The following LCORL variants were observed in gnomAD, a reference collection of about 807,000 sequenced individuals.
LCORL encodes the protein ligand-dependent nuclear receptor corepressor-like protein.
LCORL carries 41 observed loss-of-function variants against 141.8 expected under a neutral mutation model. The ratio of observed to expected loss-of-function variants is 0.29; its 90% CI spans 0.23 to 0.38. The LOEUF is 0.38. Among genes scored for constraint, LCORL ranks in the 10% least tolerant of loss-of-function variants. The pLI is 1.00. For missense variants in LCORL, 1,759 were observed against 2,035.0 expected, an observed-to-expected ratio of 0.86 and a Z score of 2.61; for synonymous variants, 618 against 694.1, an observed-to-expected ratio of 0.89 and a Z score of 1.72.
In LCORL at chr4:17,983,882, C is replaced by A. The variant is rs541532352; in HGVS notation, c.155-10997G>T. Among the ~76,000 whole-genome samples, 10 of 152,218 alleles carry A rather than the reference C, an allele frequency of 6.6e-5. No individual in the cohort carries two copies. In the South Asian group the frequency reaches 2.1e-3, roughly 32 times the overall value. Reference sequence around the variant, plus strand: ...GTAATGCTTCCAGCTTTTGCTCATTCAGTATGATGTTGGCTGTGAGTTTGT... The same window carrying A: ...GTAATGCTTCCAGCTTTTGCTCATTAAGTATGATGTTGGCTGTGAGTTTGT... On this transcript the variant is annotated intron_variant, in intron 1 of 7. Coordinates refer to ENST00000635767, the Ensembl canonical transcript of LCORL.
chr4:17,980,620 C>A (rs1014573986), intron 1 of LCORL, among the ~76,000 whole-genome samples: 3 of 152,154 alleles, frequency 2.0e-5, no homozygotes, highest in African/African-American at 7.2e-5. Flanking sequence ...TAACTCTTAG[C>A]CATTTTTAAC....
chr4:17,901,974 CT>C (rs763527541), intron 5 of LCORL, among the ~76,000 whole-genome samples: 29 of 151,826 alleles, frequency 1.9e-4, no homozygotes, highest in Admixed American at 5.9e-4. Flanking sequence ...GTGGAGGAGG[CT>C]TTCCTAAGAA....
chr4:17,876,762 T>C lies in LCORL; in HGVS notation c.2228A>G (p.Gln743Arg), dbSNP rs957056373. ...ATTTTTCCTATCATTTTGCAAAAAT[T>C]GTTTTCCATCTGCAGATTTCTCCTG... is the stretch of plus-strand genomic sequence containing the variant. Residue 743 changes from glutamine to arginine, a missense_variant, in exon 7 of 8, where the codon CAA becomes CGA. By Grantham distance (43) the Gln-to-Arg change is conservative. This residue lies in a region of LCORL where 1,311 missense variants were observed against 1,531.3 expected (regional missense o/e 0.86). Transcript: ENST00000635767. 1.1e-4 allele frequency: 132 copies of C among 1,230,790 alleles called. No homozygotes were observed. In the Admixed American group the frequency reaches 1.3e-3, roughly 12 times the overall value. 76.2% of individuals were successfully genotyped at this position (1,230,790 alleles called of 1,614,324 possible). A position where few individuals can be genotyped will look rare whatever the true frequency, so the allele number is the denominator to read the frequency against.
At chr4:17,912,102 C>T (rs1732646068) in intron 4 of LCORL, 12 of 747,722 alleles carry the variant, frequency 1.6e-5, no homozygotes, top group South Asian at 8.1e-5. Context: ...CCACCAAGGA[C>T]GTGAGGGCTC....
chr4:17,947,090 C>T (rs1309697269), intron 4 of LCORL, among the ~76,000 whole-genome samples: 3 of 151,956 alleles, frequency 2.0e-5, no homozygotes, highest in Admixed American at 6.6e-5. Context: ...TTCACAACAG[C>T]TGAATCATGG....
intron 5 of LCORL, among the ~76,000 whole-genome samples, chr4:17,899,950 T>G (rs543706149): frequency 6.6e-6 from 1 of 152,178 alleles, no homozygotes; most frequent in Non-Finnish European, 1.5e-5. Flanking sequence ...ACTATGTACA[T>G]GCAAATATTC....
At chr4:17,918,681 G>C (rs1431984395) in intron 4 of LCORL, among the ~76,000 whole-genome samples, 1 of 152,114 alleles carries the variant, frequency 6.6e-6, no homozygotes, top group East Asian at 1.9e-4. Flanking sequence ...GCAGAGGGTA[G>C]GTAAACAAGT....
Position 17,875,933 on chromosome 4 carries a change from A to G in LCORL, c.3057T>C (p.Tyr1019=), listed in dbSNP as rs115293513. 1,365 of 1,231,282 alleles carry G rather than the reference A, an allele frequency of 1.1e-3. 15 individuals are homozygous for G. The African/African-American group carries it at 0.02, about 18-fold the overall frequency. The allele number at this position is 1,231,282 out of a possible 1,614,324, so 76.3% of individuals were successfully genotyped here. A position where few individuals can be genotyped will look rare whatever the true frequency, so the allele number is the denominator to read the frequency against. ...TATCAGTATCATAATGACTGGAGTG[A>G]TAATTTTCAGAGTTCGCATTTGAGA... The change falls in exon 7 of 8, where the codon TAT becomes TAC. Residue 1019 remains tyrosine (Y), a synonymous_variant. Coordinates refer to ENST00000635767, the Ensembl canonical transcript of LCORL.
chr4:17,949,094 TAG>T (rs1263694671), intron 4 of LCORL, among the ~76,000 whole-genome samples: 1 of 152,064 alleles, frequency 6.6e-6, no homozygotes, highest in Non-Finnish European at 1.5e-5. Flanking sequence ...AGCTAGCAGG[TAG>T]AGAGTACCAT....
intron 4 of LCORL, among the ~76,000 whole-genome samples, chr4:17,913,953 T>C (rs745528328): frequency 2.0e-5 from 3 of 152,258 alleles, no homozygotes; most frequent in Non-Finnish European, 4.4e-5. Flanking sequence ...GTATTTTTTA[T>C]TTCTACCTTT....
intron 7 of LCORL, among the ~76,000 whole-genome samples, chr4:17,848,583 C>T (rs1723209361): frequency 6.6e-6 from 1 of 152,246 alleles, no homozygotes; most frequent in Non-Finnish European, 1.5e-5. Context: ...CTCAGGTCTA[C>T]AGCTCCCAGC....
At chr4:17,842,090 C>T (rs1223097138) in exon 8 of LCORL, 1 of 453,844 alleles carries the variant, frequency 2.2e-6, no homozygotes, top group Non-Finnish European at 4.0e-6. Context: ...TTCCCTTACT[C>T]ATTATTAGTG....
rs1727988314 is a variant in LCORL at position 17,884,234 on chromosome 4, A to G, written c.776+1834T>C. On this transcript the variant is annotated intron_variant, in intron 6 of 7. Transcript: ENST00000635767. The surrounding 1 kb of genome is among the most constrained non-coding windows in gnomAD (Gnocchi z 4.4). Reference sequence around the variant, plus strand: ...GGAAACTTGATACATAACATCCAACAGACCAGAACCATCAGGTTGTGATTT... The same window carrying G: ...GGAAACTTGATACATAACATCCAACGGACCAGAACCATCAGGTTGTGATTT... 2 of 1,550,632 alleles carry G rather than the reference A, an allele frequency of 1.3e-6. No individual in the cohort carries two copies. The highest frequency in any genetic ancestry group is 1.7e-6 in the Non-Finnish European group (2 of 1,146,388).
In LCORL at chr4:17,906,688, C is replaced by CTTT. The variant is rs36083281; in HGVS notation, c.682+2403_682+2405dup. Reference sequence around the variant, plus strand: ...GACTGGAAATTTACTTTTAAAATGCCTTTTTTTTTTTTTTTTTGAGACAGA... The same window carrying CTTT: ...GACTGGAAATTTACTTTTAAAATGCCTTTTTTTTTTTTTTTTTTTTGAGACAGA... On this transcript the variant is annotated intron_variant, in intron 5 of 7. Coordinates refer to ENST00000635767, the Ensembl canonical transcript of LCORL. Among the ~76,000 whole-genome samples, 939 of 134,006 alleles carry CTTT rather than the reference C, an allele frequency of 7.0e-3. 19 individuals carry two copies. Among genetic ancestry groups the CTTT allele is most frequent in the African/African-American group, 0.025 (871 of 35,540 alleles). The allele number at this position is 134,006 out of a possible 152,430, so 87.9% of individuals were successfully genotyped here.
At chr4:18,019,231 C>T (rs982454166) in intron 1 of LCORL, among the ~76,000 whole-genome samples, 10 of 152,150 alleles carry the variant, frequency 6.6e-5, no homozygotes, top group African/African-American at 2.4e-4. Flanking sequence ...CCCAACTATT[C>T]GGGAGGCTCA....
At chr4:17,924,946 T>G (rs916744445) in intron 4 of LCORL, among the ~76,000 whole-genome samples, 3 of 152,174 alleles carry the variant, frequency 2.0e-5, no homozygotes, top group Non-Finnish European at 4.4e-5. Context: ...TAGCCAGGAT[T>G]CACGGGTCCA....
At chr4:18,006,580 G>A (rs994710389) in intron 1 of LCORL, among the ~76,000 whole-genome samples, 2 of 152,154 alleles carry the variant, frequency 1.3e-5, no homozygotes, top group African/African-American at 4.8e-5. Context: ...GTTTGAAGTG[G>A]CTGGGGAAGC....
chr4:17,997,595 T>G (rs901193521), intron 1 of LCORL, among the ~76,000 whole-genome samples: 2 of 152,158 alleles, frequency 1.3e-5, no homozygotes, highest in Non-Finnish European at 2.9e-5. Flanking sequence ...CTAAAACAAG[T>G]GACAAAAGTC....
intron 7 of LCORL, among the ~76,000 whole-genome samples, chr4:17,853,049 A>AT (rs67695626): frequency 0.054 from 6,786 of 125,088 alleles, 185 homozygotes; most frequent in African/African-American, 0.067. Flanking sequence ...TAAAAGCTTG[A>AT]TTTTTTTTTT....
Sources: gnomAD v4.1 joint callset for allele counts (sites outside exome capture counted in the v4.1 genomes callset) on GRCh38, gnomAD v4.1.1 for gene constraint, gnomAD v4.1.1 regional missense constraint, Gnocchi (gnomAD v3.1) non-coding constraint, MANE v1.5 for transcripts, NCBI Gene and HGNC (gene_info 2026-07-23, HGNC 2026-07-21) for gene names.